PAPPA2: variants seen among roughly 807,000 people sequenced by gnomAD.
PAPPA2 encodes pappalysin 2, also known as pappalysin-2.
A neutral mutation model predicts 176.4 loss-of-function variants in PAPPA2; 86 were observed. The observed-to-expected ratio is 0.49, with a 90% confidence interval of 0.41 to 0.58. The LOEUF (loss-of-function observed/expected upper bound fraction) is 0.58. Ranked by LOEUF, PAPPA2 falls within the 20% of genes least tolerant of loss-of-function variation. The pLI, the probability that PAPPA2 is intolerant of heterozygous loss-of-function variation, is 0.00. For missense variants in PAPPA2, 2,073 were observed against 2,256.9 expected (o/e 0.92, Z 1.65); for synonymous variants, 809 against 852.2 (o/e 0.95, Z 0.88).
intron 3 of PAPPA2, among the ~76,000 whole-genome samples, chr1:176,641,929 A>G (rs1417018103): frequency 1.3e-5 from 2 of 151,940 alleles, no homozygotes; most frequent in Non-Finnish European, 2.9e-5. Context: ...TTTTGCATCA[A>G]AGCCAGTTCA....
At chr1:176,809,456 G>T (rs1292478121) in intron 21 of PAPPA2, among the ~76,000 whole-genome samples, 1 of 152,112 alleles carries the variant, frequency 6.6e-6, no homozygotes, top group Non-Finnish European at 1.5e-5. Flanking sequence ...CTATTCCTTG[G>T]ATTCTTTCTT....
chr1:176,568,606 T>G lies in PAPPA2; in HGVS notation c.919+11365T>G, dbSNP rs566969264. 1.1e-4 allele frequency among the ~76,000 whole-genome samples: 17 copies of G among 152,302 alleles called. No homozygotes were observed. The South Asian group carries it at 3.5e-3, about 32-fold the overall frequency. ...TCCTCAACTGAACCCTTTATCCATC[T>G]CACATCCATTGCTTGTCCTGTTTTC... On this transcript the variant is annotated intron_variant, in intron 2 of 22. Transcript: ENST00000367662.
chr1:176,646,961 T>C (rs370422151), intron 3 of PAPPA2, among the ~76,000 whole-genome samples: 4 of 151,572 alleles, frequency 2.6e-5, no homozygotes, highest in Non-Finnish European at 5.9e-5. Flanking sequence ...GATAGCTCTA[T>C]TATTAGTTTT....
chr1:176,685,992 AC>A, intron 4 of PAPPA2, among the ~76,000 whole-genome samples: 1 of 152,144 alleles, frequency 6.6e-6, no homozygotes, highest in Non-Finnish European at 1.5e-5. Flanking sequence ...AGTAATGAAA[AC>A]CCACTCCTTA....
intron 9 of PAPPA2, among the ~76,000 whole-genome samples, chr1:176,705,866 T>C (rs1314459813): frequency 6.6e-6 from 1 of 152,218 alleles, no homozygotes; most frequent in Non-Finnish European, 1.5e-5. Context: ...GATTGAATTC[T>C]ACAAAATCCT....
At chr1:176,719,890 T>C (rs1161965289) in intron 12 of PAPPA2, among the ~76,000 whole-genome samples, 4 of 152,228 alleles carry the variant, frequency 2.6e-5, no homozygotes, top group Non-Finnish European at 5.9e-5. Context: ...CTTTTTAGTT[T>C]CTGTGTGAAT....
intron 2 of PAPPA2, among the ~76,000 whole-genome samples, chr1:176,564,828 C>T: frequency 6.7e-6 from 1 of 149,054 alleles, no homozygotes; most frequent in Non-Finnish European, 1.5e-5. Flanking sequence ...ACAGACTTAT[C>T]TCAACCTATT....
chr1:176,632,313 C>T (rs1382148389), intron 3 of PAPPA2, among the ~76,000 whole-genome samples: 2 of 151,336 alleles, frequency 1.3e-5, no homozygotes, highest in Non-Finnish European at 2.9e-5. Flanking sequence ...GCAACTGATT[C>T]AACTTTGAAG....
At chr1:176,770,491 C>T (rs961265619) in intron 16 of PAPPA2, among the ~76,000 whole-genome samples, 1 of 152,136 alleles carries the variant, frequency 6.6e-6, no homozygotes, top group Admixed American at 6.5e-5. Context: ...TCCCCAATTT[C>T]CTGATCTGCA....
chr1:176,496,181 T>C (rs1433061995), intron 1 of PAPPA2, among the ~76,000 whole-genome samples: 1 of 152,186 alleles, frequency 6.6e-6, no homozygotes, highest in Admixed American at 6.5e-5. Flanking sequence ...CATGTTGGTG[T>C]GCTGCACCCA....
At chr1:176,650,862 G>T (rs1460501140) in intron 3 of PAPPA2, among the ~76,000 whole-genome samples, 1 of 151,406 alleles carries the variant, frequency 6.6e-6, no homozygotes, top group Non-Finnish European at 1.5e-5. Flanking sequence ...AATTTTCCTA[G>T]ATCTATTATA....
At chr1:176,726,296 ACTT>A (rs1488435428) in intron 12 of PAPPA2, among the ~76,000 whole-genome samples, 2 of 152,040 alleles carry the variant, frequency 1.3e-5, no homozygotes, top group Non-Finnish European at 2.9e-5. Context: ...CTTGATACAC[ACTT>A]CTCTCAAAGT....
intron 2 of PAPPA2, among the ~76,000 whole-genome samples, chr1:176,565,398 C>G (rs1651908414): frequency 6.6e-6 from 1 of 152,112 alleles, no homozygotes; most frequent in African/African-American, 2.4e-5. Context: ...CTCTGACCCT[C>G]TAAAATGAAA....
At position 176,725,097 on chromosome 1, in the gene PAPPA2, G is replaced by A. The variant is rs192028062; in HGVS notation, c.3798+13116G>A. ...TCACAACTACTTAACTACTACTTCC[G>A]TTAGCATGAACATAGCCATAGTCAA... On this transcript the variant is annotated intron_variant, in intron 12 of 22. Transcript: ENST00000367662. Among the ~76,000 whole-genome samples, 113 of 152,232 alleles carry A rather than the reference G, an allele frequency of 7.4e-4. 1 individual carries two copies. The highest frequency in any genetic ancestry group is 3.4e-3 in the Middle Eastern group (1 of 294).
At chr1:176,814,374 C>G (rs528083607) in intron 21 of PAPPA2, among the ~76,000 whole-genome samples, 1 of 152,240 alleles carries the variant, frequency 6.6e-6, no homozygotes, top group Admixed American at 6.5e-5. Context: ...TTACGTTGGA[C>G]AGTATGACCA....
rs148626806 is a variant in PAPPA2 at position 176,756,350 on chromosome 1, G to A, written c.4152-9316G>A. Among the ~76,000 whole-genome samples the A allele has an allele frequency of 2.2e-3, 328 of 152,284 alleles. 2 individuals carry two copies. Among genetic ancestry groups the A allele is most frequent in the Non-Finnish European group, 3.4e-3 (233 of 68,016 alleles). On this transcript the variant is annotated intron_variant, in intron 14 of 22. Coordinates refer to ENST00000367662, the MANE Select transcript of PAPPA2 (RefSeq NM_020318.3). Reference sequence around the variant, plus strand: ...AGGTTGAGGAGGAGGAAGAATAGGAGGGGCTGGTTCTGCTGTCTCAAGGTT... The same window carrying A: ...AGGTTGAGGAGGAGGAAGAATAGGAAGGGCTGGTTCTGCTGTCTCAAGGTT...
chr1:176,470,851 A>G (rs1270497339), intron 1 of PAPPA2, among the ~76,000 whole-genome samples: 1 of 147,260 alleles, frequency 6.8e-6, no homozygotes, highest in Non-Finnish European at 1.5e-5. Context: ...TCTGGGGACC[A>G]CTGCTTTGGG....
intron 14 of PAPPA2, among the ~76,000 whole-genome samples, chr1:176,755,797 A>G (rs1400242098): frequency 6.6e-6 from 1 of 152,154 alleles, no homozygotes; most frequent in African/African-American, 2.4e-5. Context: ...CCAAAATTTA[A>G]CTACTGAAAG....
intron 2 of PAPPA2, among the ~76,000 whole-genome samples, chr1:176,578,851 C>T (rs1652800952): frequency 6.6e-6 from 1 of 152,128 alleles, no homozygotes; most frequent in East Asian, 1.9e-4. Context: ...TCCTGAAATA[C>T]CTGGCTTTGA....
Sources: gnomAD v4.1 joint callset for allele counts (sites outside exome capture counted in the v4.1 genomes callset) on GRCh38, gnomAD v4.1.1 for gene constraint, MANE v1.5 for transcripts, NCBI Gene and HGNC (gene_info 2026-07-23, HGNC 2026-07-21) for gene names.